The following ADAMTS6 variants were observed in gnomAD, a reference collection of about 807,000 sequenced individuals.
The protein encoded by ADAMTS6 is A disintegrin and metalloproteinase with thrombospondin motifs 6.
In ADAMTS6, 23 loss-of-function variants were observed where a neutral mutation model predicts 144.3. The observed-to-expected ratio is 0.16, with a 90% confidence interval of 0.11 to 0.23. The LOEUF (loss-of-function observed/expected upper bound fraction) is 0.23. ADAMTS6 is among the 10% of genes least tolerant of loss of function. The probability of loss-of-function intolerance (pLI) is 1.00; values close to 1 mark genes in which losing one functional copy is unlikely to be tolerated. For synonymous variants in ADAMTS6, 444 were observed against 457.5 expected (o/e 0.97, Z 0.38); for missense variants, 999 against 1,379.6 (o/e 0.72, Z 4.37).
At chr5:65,247,925 T>C (rs1759773318) in intron 14 of ADAMTS6, among the ~76,000 whole-genome samples, 3 of 152,152 alleles carry the variant, frequency 2.0e-5, no homozygotes, top group Admixed American at 2.0e-4. Flanking sequence ...GAAAACAACA[T>C]ATTCTTAGTA....
At position 65,416,049 on chromosome 5, in the gene ADAMTS6, G is replaced by A. The variant is rs547419569; in HGVS notation, c.1073+35426C>T. ...CTGCATGGCCACCCTGGGCAATTTC[G>A]CCAAGGCCAACTTCAATGACATCTC... On this transcript the variant is annotated intron_variant, in intron 7 of 24. Coordinates refer to ENST00000381055, the MANE Select transcript of ADAMTS6 (RefSeq NM_197941.4). 9 of 188,028 alleles carry A rather than the reference G, an allele frequency of 4.8e-5. No homozygotes were observed. The East Asian group carries it at 7.1e-4, about 15-fold the overall frequency. 11.6% of individuals were successfully genotyped at this position (188,028 alleles called of 1,614,324 possible).
intron 12 of ADAMTS6, among the ~76,000 whole-genome samples, chr5:65,265,370 C>T (rs778288702): frequency 3.3e-5 from 5 of 152,036 alleles, no homozygotes; most frequent in Non-Finnish European, 7.4e-5. Context: ...TACGACTTAG[C>T]TAGTTGGTCT....
At chr5:65,202,273 CA>C (rs1755787435) in intron 20 of ADAMTS6, among the ~76,000 whole-genome samples, 1 of 152,128 alleles carries the variant, frequency 6.6e-6, no homozygotes, top group Non-Finnish European at 1.5e-5. Context: ...TGATCAAAAG[CA>C]AAATGTAGCT....
At chr5:65,237,505 TCAAG>T (rs1758766777) in intron 15 of ADAMTS6, among the ~76,000 whole-genome samples, 1 of 151,718 alleles carries the variant, frequency 6.6e-6, no homozygotes, top group African/African-American at 2.4e-5. Context: ...AAAGAAAATA[TCAAG>T]CCTGGCTGGT....
At chr5:65,221,563 T>C (rs1757324841) in intron 18 of ADAMTS6, among the ~76,000 whole-genome samples, 1 of 152,178 alleles carries the variant, frequency 6.6e-6, no homozygotes, top group South Asian at 2.1e-4. Context: ...CAAGGAATGA[T>C]TTGCCCTTAT....
chr5:65,410,521 GA>G (rs1175394352), intron 7 of ADAMTS6, among the ~76,000 whole-genome samples: 1 of 151,690 alleles, frequency 6.6e-6, no homozygotes, highest in East Asian at 1.9e-4. Flanking sequence ...TTTTCCTATG[GA>G]AAGAACACTT....
Position 65,225,028 on chromosome 5 carries a change from ATAT to A in ADAMTS6, c.2084_2086del (p.Asn695del). On this transcript the variant is annotated inframe_deletion, in exon 17 of 25. Transcript: ENST00000381055. The stretch of plus-strand genomic sequence containing the variant: ...ATCTTCCCTAGCATCAGATCCCAAA[ATAT>A]TATCACAGCCTACGTGCTGAAAACA... The A allele has an allele frequency of 6.2e-7, 1 of 1,614,008 alleles. No homozygotes were observed. The highest frequency in any genetic ancestry group is 8.5e-7 in the Non-Finnish European group (1 of 1,179,968).
At chr5:65,457,968 G>T (rs552579131) in intron 4 of ADAMTS6, among the ~76,000 whole-genome samples, 1 of 151,622 alleles carries the variant, frequency 6.6e-6, no homozygotes, top group African/African-American at 2.4e-5. Flanking sequence ...CTCGTGATCC[G>T]CCTGCCTCAG....
intron 24 of ADAMTS6, among the ~76,000 whole-genome samples, chr5:65,168,947 G>C (rs1489001847): frequency 6.9e-6 from 1 of 145,042 alleles, no homozygotes; most frequent in Non-Finnish European, 1.5e-5. Flanking sequence ...AGAAAACCTA[G>C]GCGTTACCAT....
chr5:65,357,823 A>G (rs1169020968), intron 7 of ADAMTS6, among the ~76,000 whole-genome samples: 2 of 151,884 alleles, frequency 1.3e-5, no homozygotes, highest in East Asian at 1.9e-4. Flanking sequence ...ATAATGTAAA[A>G]GGAGATCAAA....
chr5:65,249,127 T>C (rs1759916909), intron 14 of ADAMTS6, among the ~76,000 whole-genome samples: 3 of 152,072 alleles, frequency 2.0e-5, no homozygotes, highest in Non-Finnish European at 4.4e-5. Context: ...AGGTGACAGT[T>C]TGGCAATTAT....
intron 12 of ADAMTS6, among the ~76,000 whole-genome samples, chr5:65,267,310 A>G (rs1047662308): frequency 3.3e-5 from 5 of 152,122 alleles, no homozygotes; most frequent in African/African-American, 1.2e-4. Flanking sequence ...ATGTTACTTT[A>G]GTCTAAATTA....
rs1753745325 is a variant in ADAMTS6, at chr5:65,173,284, T to G, written c.2911-276A>C. ...GGGGATAGGTTGATTCCTCTATTCC[T>G]CTCTATCCTTAGCCCCGTCAGCTGT... On this transcript the variant is annotated intron_variant, in intron 22 of 24. Coordinates refer to ENST00000381055, the MANE Select transcript of ADAMTS6 (RefSeq NM_197941.4). 2.0e-5 allele frequency among the ~76,000 whole-genome samples: 3 copies of G among 152,352 alleles called. No individual in the cohort carries two copies. In the South Asian group the frequency reaches 6.2e-4, roughly 32 times the overall value.
In ADAMTS6 at chr5:65,455,285, G is replaced by A. The variant is rs777620718; in HGVS notation, c.632-2367C>T. On this transcript the variant is annotated intron_variant, in intron 4 of 24. Coordinates refer to ENST00000381055, the MANE Select transcript of ADAMTS6 (RefSeq NM_197941.4). ...AGGTCGAGTGTGATGGCTCACGCCC[G>A]TAATCCCAACACTTTGGGAGCCTGA... Among the ~76,000 whole-genome samples the A allele has an allele frequency of 1.6e-4, 24 of 152,302 alleles. No individual in the cohort carries two copies. The South Asian group carries it at 2.3e-3, about 14-fold the overall frequency.
chr5:65,455,997 G>C (rs911479476), intron 4 of ADAMTS6, among the ~76,000 whole-genome samples: 1 of 150,696 alleles, frequency 6.6e-6, no homozygotes, highest in African/African-American at 2.4e-5. Context: ...ATCCATCAAA[G>C]GCATTTTATA....
At chr5:65,229,643 T>C (rs1474225219) in intron 15 of ADAMTS6, among the ~76,000 whole-genome samples, 1 of 151,850 alleles carries the variant, frequency 6.6e-6, no homozygotes, top group Non-Finnish European at 1.5e-5. Context: ...AAGAAAACAA[T>C]GAATAAAATG....
intron 7 of ADAMTS6, among the ~76,000 whole-genome samples, chr5:65,364,095 C>A (rs1750078065): frequency 6.6e-6 from 1 of 152,102 alleles, no homozygotes; most frequent in South Asian, 2.1e-4. Context: ...TGTCACCTGG[C>A]CAAACGCAGT....
intron 3 of ADAMTS6, among the ~76,000 whole-genome samples, chr5:65,467,150 C>T (rs1160455271): frequency 1.3e-5 from 2 of 149,944 alleles, no homozygotes; most frequent in East Asian, 1.9e-4. Flanking sequence ...GAAAAGAAGA[C>T]GAAATCGGGG....
chr5:65,286,914 A>G (rs7706415), intron 11 of ADAMTS6, among the ~76,000 whole-genome samples: 4,819 of 152,274 alleles, frequency 0.032, 260 homozygotes, highest in African/African-American at 0.11. Flanking sequence ...TCTAATAAAA[A>G]AGAGATTAAT....
Sources: gnomAD v4.1 joint callset for allele counts (sites outside exome capture counted in the v4.1 genomes callset) on GRCh38, gnomAD v4.1.1 for gene constraint, MANE v1.5 for transcripts, NCBI Gene and HGNC (gene_info 2026-07-23, HGNC 2026-07-21) for gene names.